The following ZFAT variants were observed in gnomAD, a reference collection of about 807,000 sequenced individuals.
ZFAT encodes the protein zinc finger and AT-hook domain containing, also known as zinc finger protein ZFAT.
ZFAT carries 64 observed loss-of-function variants against 117.7 expected under a neutral mutation model. The observed-to-expected ratio is 0.54, with a 90% CI of 0.44 to 0.67. The LOEUF (loss-of-function observed/expected upper bound fraction) is 0.67, where lower values mean the gene tolerates loss of function less well. Among genes scored for constraint, ZFAT ranks in the 30% least tolerant of loss-of-function variants. The pLI is 0.00. For synonymous variants in ZFAT, 679 were observed against 615.0 expected (o/e 1.10, Z -1.54); for missense variants, 1,433 against 1,584.5 (o/e 0.90, Z 1.62).
intron 15 of ZFAT, among the ~76,000 whole-genome samples, chr8:134,500,867 A>G (rs1818921589): frequency 6.6e-6 from 1 of 152,210 alleles, no homozygotes; most frequent in Non-Finnish European, 1.5e-5. Flanking sequence ...AGAACATTAT[A>G]TAAGGAATGC....
At chr8:134,715,852 C>T (rs1464149002), upstream of ZFAT, among the ~76,000 whole-genome samples, 2 of 152,056 alleles carry the variant, frequency 1.3e-5, no homozygotes, top group East Asian at 3.8e-4. Context: ...TCATTATATC[C>T]AATATCTTTA....
At chr8:134,747,558 T>A in the ZFAT span, among the ~76,000 whole-genome samples, 5 of 152,232 alleles carry the variant, frequency 3.3e-5, no homozygotes, top group African/African-American at 9.6e-5. Flanking sequence ...TAACAATGTC[T>A]CTAACTACTA....
intron 7 of ZFAT, chr8:134,598,558 C>T (rs1423903189): frequency 3.9e-5 from 6 of 152,266 alleles, no homozygotes; most frequent in South Asian, 2.1e-4. Flanking sequence ...GCCAGGAGGC[C>T]GAGCATCAGC....
At chr8:134,711,063 G>A (rs188390742) in intron 1 of ZFAT, among the ~76,000 whole-genome samples, 1 of 152,352 alleles carries the variant, frequency 6.6e-6, no homozygotes, top group Non-Finnish European at 1.5e-5. Context: ...CTTTAAGTCT[G>A]CTGTTCAGCC....
chr8:134,753,787 A>C, the ZFAT span, among the ~76,000 whole-genome samples: 4 of 152,274 alleles, frequency 2.6e-5, no homozygotes, highest in Non-Finnish European at 5.9e-5. Context: ...ATACAGTGAA[A>C]AAACAGACAA....
the ZFAT span, among the ~76,000 whole-genome samples, chr8:134,806,918 T>C: frequency 1.3e-5 from 2 of 152,360 alleles, no homozygotes; most frequent in East Asian, 1.9e-4. Flanking sequence ...AATGAGGGGA[T>C]AGCTGAAGCT....
At chr8:134,727,852 G>A in the ZFAT span, among the ~76,000 whole-genome samples, 127 of 152,278 alleles carry the variant, frequency 8.3e-4, no homozygotes, top group Middle Eastern at 3.4e-3. Context: ...GAACCAAGTA[G>A]GAAGTGAGAT....
chr8:134,610,422 A>T, intron 4 of ZFAT, 48 bp downstream of exon 4: 1 of 1,563,872 alleles, frequency 6.4e-7, no homozygotes, highest in Non-Finnish European at 8.6e-7. Flanking sequence ...CCCTTGGCAC[A>T]GACTTGCCAA....
rs187529527 is a variant in ZFAT at position 134,657,658 on chromosome 8, C to T, written c.99G>A (p.Glu33=). The change falls in exon 2 of 16, where the codon GAG becomes GAA. Residue 33 remains glutamate, a synonymous_variant. Coordinates refer to ENST00000377838, the MANE Select transcript of ZFAT (RefSeq NM_020863.4). ...CATTAACCCCTTCTTCCATGTGCTT[C>T]TCTGAAACGTGGGAGAGGAGTTCCG... ...NQSELLSHVS[E]KHMEEGVNVD... 9.3e-3 allele frequency: 14,984 copies of T among 1,614,010 alleles called. 117 individuals carry two copies. Among genetic ancestry groups the T allele is most frequent in the Non-Finnish European group, 0.01 (12,196 of 1,179,992 alleles).
chr8:134,656,390 G>A (rs1057150348), intron 2 of ZFAT, among the ~76,000 whole-genome samples: 7 of 152,198 alleles, frequency 4.6e-5, no homozygotes, highest in African/African-American at 1.7e-4. Flanking sequence ...AGCTGACGGT[G>A]ATGACAGAAG....
intron 3 of ZFAT, among the ~76,000 whole-genome samples, chr8:134,632,589 TA>T (rs1829960050): frequency 6.6e-6 from 1 of 152,126 alleles, no homozygotes; most frequent in African/African-American, 2.4e-5. Flanking sequence ...GCATTTTTTT[TA>T]AATTGGAGGG....
chr8:134,676,480 C>A (rs1419983252), intron 1 of ZFAT, among the ~76,000 whole-genome samples: 1 of 152,150 alleles, frequency 6.6e-6, no homozygotes, highest in African/African-American at 2.4e-5. Flanking sequence ...GACTTAGACT[C>A]CCACACAGTA....
chr8:134,801,414 T>C, the ZFAT span, among the ~76,000 whole-genome samples: 185 of 152,334 alleles, frequency 1.2e-3, 3 homozygotes, highest in East Asian at 0.026. Context: ...ATCTTCAAAT[T>C]TGGAAGTAAA....
chr8:134,602,280 A>C lies in ZFAT; in HGVS notation c.1439T>G (p.Val480Gly), dbSNP rs1563660232. 1 of 1,613,872 alleles carries C rather than the reference A, an allele frequency of 6.2e-7. No individual in the cohort carries two copies. Among genetic ancestry groups the C allele is most frequent in the Admixed American group, 1.7e-5 (1 of 60,034 alleles). ...SIRLRTHIKE[V>G]HGAAQEALVF... ...CAAGGCCTCCTGGGCAGCCCCGTGC[A>C]CCTCTTTGATGTGGGTGCGCAGCCT... Residue 480 changes from valine (V) to glycine (G), a missense_variant, in exon 6 of 16, where the codon GTG becomes GGG. By Grantham distance (109) the Val-to-Gly change is moderately radical. Transcript: ENST00000377838.
At chr8:134,727,596 C>T in the ZFAT span, among the ~76,000 whole-genome samples, 3 of 152,198 alleles carry the variant, frequency 2.0e-5, no homozygotes, top group Admixed American at 6.5e-5. Flanking sequence ...TTTTACACGT[C>T]AAGCCAGTTT....
chr8:134,823,405 A>G, the ZFAT span, among the ~76,000 whole-genome samples: 1 of 152,216 alleles, frequency 6.6e-6, no homozygotes, highest in Admixed American at 6.5e-5. Context: ...GTTAACATGT[A>G]TTGAGTATTT....
At chr8:134,610,223 C>A (rs537285593) in intron 4 of ZFAT, among the ~76,000 whole-genome samples, 1 of 152,332 alleles carries the variant, frequency 6.6e-6, no homozygotes, top group African/African-American at 2.4e-5. Flanking sequence ...AGGAGCAGCA[C>A]GGCGGAGCTG....
intron 13 of ZFAT, among the ~76,000 whole-genome samples, chr8:134,518,555 T>A (rs1215894819): frequency 1.3e-5 from 2 of 152,164 alleles, no homozygotes; most frequent in Non-Finnish European, 2.9e-5. Context: ...ATATTCGATG[T>A]TATTTACATT....
intron 10 of ZFAT, among the ~76,000 whole-genome samples, chr8:134,573,469 G>C (rs1350095448): frequency 6.6e-6 from 1 of 152,148 alleles, no homozygotes; most frequent in Non-Finnish European, 1.5e-5. Context: ...CTGGTGGAGG[G>C]AAAGGGATCC....
Sources: allele counts gnomAD v4.1 joint callset (sites outside exome capture counted in the v4.1 genomes callset), GRCh38; gene constraint gnomAD v4.1.1; transcripts MANE v1.5; gene names NCBI Gene and HGNC (gene_info 2026-07-23, HGNC 2026-07-21).